The following ARL5A variants were observed in gnomAD, a reference collection of about 807,000 sequenced individuals.
The protein encoded by ARL5A is ARF like GTPase 5A, also known as ADP-ribosylation factor-like protein 5A.
Under a neutral mutation model 25.9 loss-of-function variants are expected in ARL5A, and 18 were observed. The ratio of observed to expected loss-of-function variants is 0.69; its 90% CI spans 0.48 to 1.03. ARL5A has a LOEUF of 1.03. ARL5A is among the 50% of genes least tolerant of loss of function. The pLI, the probability that ARL5A is intolerant of heterozygous loss-of-function variation, is 0.00. For missense variants in ARL5A, 170 were observed against 211.9 expected, an observed-to-expected ratio of 0.80 and a Z score of 1.23; for synonymous variants, 61 against 67.5, an observed-to-expected ratio of 0.90 and a Z score of 0.47.
At chr2:151,806,704 T>C in intron 5 of ARL5A, 117 bp downstream of exon 5, 3 of 1,034,570 alleles carry the variant, frequency 2.9e-6, no homozygotes, top group Non-Finnish European at 4.1e-6. Context: ...ACAGCTTACG[T>C]CTGTCCCTTA....
At chr2:151,811,142 A>G (rs2099830787) in intron 4 of ARL5A, among the ~76,000 whole-genome samples, 1 of 152,200 alleles carries the variant, frequency 6.6e-6, no homozygotes, top group African/African-American at 2.4e-5. Flanking sequence ...TCATAAGGAA[A>G]TGAGGAACCT....
intron 1 of ARL5A, among the ~76,000 whole-genome samples, chr2:151,823,448 T>C (rs1578382968): frequency 6.7e-6 from 1 of 149,316 alleles, no homozygotes; most frequent in Non-Finnish European, 1.5e-5. Flanking sequence ...AAAAAAGCAA[T>C]GATTACACAT....
chr2:151,818,282 C>T (rs761898391), intron 1 of ARL5A, among the ~76,000 whole-genome samples: 5 of 151,956 alleles, frequency 3.3e-5, no homozygotes, highest in African/African-American at 4.8e-5. Context: ...GATGTGAATC[C>T]TTTCTTTTTT....
Position 151,813,618 on chromosome 2 carries a change from C to CA in ARL5A, c.255+550dup, listed in dbSNP as rs1387617634. 2.5e-4 allele frequency among the ~76,000 whole-genome samples: 38 copies of CA among 152,120 alleles called. 1 individual carries two copies. Among genetic ancestry groups the CA allele is most frequent in the African/African-American group, 8.9e-4 (37 of 41,506 alleles). ...TATTAACTTGTAATAATGAACACTA[C>CA]AAAAACAACGGTCAGTCTTTTAATT... On this transcript the variant is annotated intron_variant, in intron 3 of 5. Coordinates refer to ENST00000295087, the MANE Select transcript of ARL5A (RefSeq NM_012097.4).
chr2:151,810,047 C>T (rs2099830628), intron 4 of ARL5A, among the ~76,000 whole-genome samples: 1 of 152,158 alleles, frequency 6.6e-6, no homozygotes, highest in Admixed American at 6.5e-5. Context: ...GGTGCCACTG[C>T]ACTCCAGCCT....
intron 1 of ARL5A, among the ~76,000 whole-genome samples, chr2:151,817,133 G>T (rs1450380711): frequency 1.3e-5 from 2 of 152,180 alleles, no homozygotes; most frequent in Admixed American, 6.5e-5. Flanking sequence ...TTTCTCTACA[G>T]CTACTCATGG....
chr2:151,817,045 C>G (rs1421493907), intron 1 of ARL5A, among the ~76,000 whole-genome samples: 1 of 152,172 alleles, frequency 6.6e-6, no homozygotes, highest in Non-Finnish European at 1.5e-5. Flanking sequence ...ATAACTACAT[C>G]ACAAGTTGAA....
At chr2:151,812,582 C>A in intron 3 of ARL5A, 142 bp from the exon 4 acceptor site, 1 of 502,720 alleles carries the variant, frequency 2.0e-6, no homozygotes. Flanking sequence ...GCTACCTATA[C>A]ATTGTGAAGC....
At chr2:151,823,278 T>G (rs922107815) in intron 1 of ARL5A, among the ~76,000 whole-genome samples, 1 of 152,232 alleles carries the variant, frequency 6.6e-6, no homozygotes, top group Non-Finnish European at 1.5e-5. Flanking sequence ...AGGAGAGAGA[T>G]ATCTGCTTAA....
At chr2:151,820,841 C>T (rs13005519) in intron 1 of ARL5A, among the ~76,000 whole-genome samples, 140,296 of 151,984 alleles carry the variant, frequency 0.92, 65,205 homozygotes, top group Non-Finnish European at 0.98. Context: ...GAAGTCCTAG[C>T]AGGTGAAAGG....
chr2:151,804,115 A>C (rs545796549), intron 5 of ARL5A, among the ~76,000 whole-genome samples: 2 of 152,322 alleles, frequency 1.3e-5, no homozygotes, highest in African/African-American at 4.8e-5. Context: ...AAATGGCAGG[A>C]TATTCAACAA....
At chr2:151,821,199 T>C (rs2099832252) in intron 1 of ARL5A, among the ~76,000 whole-genome samples, 1 of 152,236 alleles carries the variant, frequency 6.6e-6, no homozygotes, top group Non-Finnish European at 1.5e-5. Flanking sequence ...TCTGCCTACC[T>C]ATTTTACAAA....
intron 2 of ARL5A, among the ~76,000 whole-genome samples, chr2:151,814,785 A>C (rs2099831291): frequency 6.6e-6 from 1 of 151,960 alleles, no homozygotes. Flanking sequence ...TATGTGACCC[A>C]AGCGGTTTCT....
chr2:151,810,525 T>C, intron 4 of ARL5A: 1 of 440,506 alleles, frequency 2.3e-6, no homozygotes, highest in South Asian at 1.6e-5. Context: ...CTCCTTTCAC[T>C]TTCCAACTAG....
chr2:151,819,555 A>G (rs2099831982), intron 1 of ARL5A, among the ~76,000 whole-genome samples: 1 of 152,226 alleles, frequency 6.6e-6, no homozygotes. Flanking sequence ...ATAGTAGGAC[A>G]TACCAGTGGA....
At chr2:151,806,719 GT>G in intron 5 of ARL5A, 101 bp downstream of exon 5, 1 of 1,237,542 alleles carries the variant, frequency 8.1e-7, no homozygotes, top group South Asian at 1.6e-5. Flanking sequence ...CCCTTACGAT[GT>G]TTTATACACA....
Position 151,801,155 on chromosome 2 carries a change from T to C in ARL5A, c.*2121A>G, listed in dbSNP as rs2099829367. 1 of 152,654 alleles carries C rather than the reference T, an allele frequency of 6.6e-6. No individual in the cohort carries two copies. The highest frequency in any genetic ancestry group is 2.1e-4 in the South Asian group (1 of 4,838). 9.5% of individuals were successfully genotyped at this position (152,654 alleles called of 1,614,324 possible). ...AAGGGTAGAAAACAAAATCATGTTTTATAAATGTGGTATAAAATTACACAT... is the reference window on the plus strand; with the variant it reads ...AAGGGTAGAAAACAAAATCATGTTTCATAAATGTGGTATAAAATTACACAT... On this transcript the variant is annotated 3_prime_UTR_variant, in exon 6 of 6. Coordinates refer to ENST00000295087, the MANE Select transcript of ARL5A (RefSeq NM_012097.4).
chr2:151,824,781 C>A (rs1298180555), intron 1 of ARL5A, among the ~76,000 whole-genome samples: 1 of 152,166 alleles, frequency 6.6e-6, no homozygotes, highest in Non-Finnish European at 1.5e-5. Context: ...AACTCTGGCA[C>A]TAGATAATCT....
chr2:151,819,035 G>A (rs1253844056), intron 1 of ARL5A, among the ~76,000 whole-genome samples: 1 of 151,710 alleles, frequency 6.6e-6, no homozygotes, highest in Non-Finnish European at 1.5e-5. Flanking sequence ...AAATACCAGA[G>A]AAAATACAAC....
Sources: allele counts gnomAD v4.1 joint callset (sites outside exome capture counted in the v4.1 genomes callset), GRCh38; gene constraint gnomAD v4.1.1; transcripts MANE v1.5; gene names NCBI Gene and HGNC (gene_info 2026-07-23, HGNC 2026-07-21).